The following NKAIN2 variants were observed in gnomAD, a reference collection of about 807,000 sequenced individuals.
NKAIN2 encodes sodium/potassium transporting ATPase interacting 2, also known as sodium/potassium-transporting ATPase subunit beta-1-interacting protein 2.
NKAIN2 carries 14 observed loss-of-function variants against 32.6 expected under a neutral mutation model. The ratio of observed to expected loss-of-function variants is 0.43; its 90% confidence interval spans 0.28 to 0.67. The LOEUF (loss-of-function observed/expected upper bound fraction) is 0.67. NKAIN2 is among the 30% of genes least tolerant of loss of function. The probability of loss-of-function intolerance (pLI) is 0.17; values close to 1 mark genes in which losing one functional copy is unlikely to be tolerated. For synonymous variants in NKAIN2, 80 were observed against 87.2 expected (o/e 0.92, Z 0.46); for missense variants, 198 against 258.3 (o/e 0.77, Z 1.60).
At chr6:123,825,647 T>A (rs1774116390) in intron 1 of NKAIN2, among the ~76,000 whole-genome samples, 1 of 152,124 alleles carries the variant, frequency 6.6e-6, no homozygotes, top group Non-Finnish European at 1.5e-5. Flanking sequence ...AAAGCAAATT[T>A]TCAGACTGAG....
chr6:124,151,647 G>T (rs2114395192), intron 1 of NKAIN2, among the ~76,000 whole-genome samples: 1 of 152,036 alleles, frequency 6.6e-6, no homozygotes, highest in South Asian at 2.1e-4. Context: ...GAGATTTCTG[G>T]TTGTCAGCAT....
rs532079929 is a variant in NKAIN2, at chr6:124,634,833, A to AAAAC, written c.274-23333_274-23330dup. 3.5e-3 allele frequency among the ~76,000 whole-genome samples: 533 copies of AAAAC among 152,114 alleles called. 2 individuals carry two copies. Among genetic ancestry groups the AAAAC allele is most frequent in the Middle Eastern group, 6.8e-3 (2 of 294 alleles). On this transcript the variant is annotated intron_variant, in intron 3 of 6. Transcript: ENST00000368417. ...CAAAGAGAGAATTCTAAAAACAGCA[A>AAAAC]AAACAAACAAACAAACAAACAAAAT...
At chr6:124,389,952 G>A (rs555571051) in intron 3 of NKAIN2, among the ~76,000 whole-genome samples, 1 of 152,056 alleles carries the variant, frequency 6.6e-6, no homozygotes, top group African/African-American at 2.4e-5. Flanking sequence ...GGATATTCCT[G>A]GGCCATTAAC....
At chr6:124,112,796 T>C (rs1218504480) in intron 1 of NKAIN2, among the ~76,000 whole-genome samples, 1 of 151,882 alleles carries the variant, frequency 6.6e-6, no homozygotes, top group Non-Finnish European at 1.5e-5. Context: ...TTATTTCCAG[T>C]GACTTCTATT....
intron 1 of NKAIN2, among the ~76,000 whole-genome samples, chr6:124,184,273 A>G (rs896387356): frequency 6.6e-6 from 1 of 151,944 alleles, no homozygotes; most frequent in African/African-American, 2.4e-5. Context: ...ACTAGATGTT[A>G]TCTCTACCTG....
intron 3 of NKAIN2, among the ~76,000 whole-genome samples, chr6:124,406,989 A>G (rs1773890279): frequency 6.6e-6 from 1 of 152,148 alleles, no homozygotes; most frequent in Non-Finnish European, 1.5e-5. Context: ...TATCAGATAT[A>G]TGACTTACAA....
intron 3 of NKAIN2, among the ~76,000 whole-genome samples, chr6:124,595,647 C>A (rs1432844164): frequency 8.3e-6 from 1 of 119,978 alleles, no homozygotes; most frequent in Non-Finnish European, 1.8e-5. Context: ...AACATATATA[C>A]CTTGGGCAAA....
chr6:124,335,985 T>C lies in NKAIN2; in HGVS notation c.193-19282T>C, dbSNP rs531803009. Among the ~76,000 whole-genome samples the C allele has an allele frequency of 1.2e-3, 178 of 152,334 alleles. 1 individual carries two copies. Among genetic ancestry groups the C allele is most frequent in the African/African-American group, 4.2e-3 (174 of 41,580 alleles). Reference sequence around the variant, plus strand: ...AACTATGATTGCTAAATTAATTCTCTATTTAGTTGAATTTGTATCATCTTA... The same window carrying C: ...AACTATGATTGCTAAATTAATTCTCCATTTAGTTGAATTTGTATCATCTTA... On this transcript the variant is annotated intron_variant, in intron 2 of 6. Transcript: ENST00000368417.
At chr6:123,888,783 T>C (rs868781241) in intron 1 of NKAIN2, among the ~76,000 whole-genome samples, 2 of 152,090 alleles carry the variant, frequency 1.3e-5, no homozygotes, top group South Asian at 4.1e-4. Flanking sequence ...GCAGAGAATA[T>C]TTTAGGGGTA....
chr6:124,155,026 G>A (rs540978151), intron 1 of NKAIN2, among the ~76,000 whole-genome samples: 11 of 152,194 alleles, frequency 7.2e-5, no homozygotes, highest in Non-Finnish European at 1.6e-4. Context: ...ACTGCATGAT[G>A]GGCTATGAGT....
chr6:123,938,433 T>C (rs1367369737), intron 1 of NKAIN2, among the ~76,000 whole-genome samples: 3 of 51,566 alleles, frequency 5.8e-5, no homozygotes, highest in South Asian at 5.5e-4. Context: ...TATATATATA[T>C]ATATATATAT....
At chr6:124,526,404 T>C (rs996358428) in intron 3 of NKAIN2, among the ~76,000 whole-genome samples, 3 of 152,126 alleles carry the variant, frequency 2.0e-5, no homozygotes, top group African/African-American at 7.2e-5. Flanking sequence ...ACTGGGTAAA[T>C]TGAAGCCCAC....
At chr6:124,430,875 C>T (rs572983520) in intron 3 of NKAIN2, among the ~76,000 whole-genome samples, 8 of 152,208 alleles carry the variant, frequency 5.3e-5, no homozygotes, top group South Asian at 2.1e-4. Flanking sequence ...CACACGCGCG[C>T]GCACATACAC....
intron 4 of NKAIN2, among the ~76,000 whole-genome samples, chr6:124,681,954 G>C (rs1301095174): frequency 6.6e-6 from 1 of 151,918 alleles, no homozygotes; most frequent in Non-Finnish European, 1.5e-5. Flanking sequence ...GGAACAGAGG[G>C]AGAAGAAAAT....
At chr6:123,926,234 T>C (rs1477132314) in intron 1 of NKAIN2, among the ~76,000 whole-genome samples, 1 of 152,192 alleles carries the variant, frequency 6.6e-6, no homozygotes, top group Middle Eastern at 3.2e-3. Flanking sequence ...GCTCTGTTCT[T>C]CTCAGGTATG....
intron 3 of NKAIN2, among the ~76,000 whole-genome samples, chr6:124,355,823 A>T (rs1237072937): frequency 1.3e-5 from 2 of 152,222 alleles, no homozygotes; most frequent in Non-Finnish European, 2.9e-5. Flanking sequence ...TCAACCCTTT[A>T]TTCTAAATAG....
intron 1 of NKAIN2, among the ~76,000 whole-genome samples, chr6:123,974,675 C>A (rs1472924401): frequency 6.6e-6 from 1 of 152,106 alleles, no homozygotes; most frequent in East Asian, 1.9e-4. Flanking sequence ...TAAGTTCTTA[C>A]CATAGAAAGG....
intron 1 of NKAIN2, among the ~76,000 whole-genome samples, chr6:123,909,999 A>C (rs753547676): frequency 1.3e-5 from 2 of 152,208 alleles, no homozygotes; most frequent in Non-Finnish European, 2.9e-5. Flanking sequence ...ATAAAAAAAA[A>C]AATGTAACCG....
chr6:124,025,564 G>T (rs906222586), intron 1 of NKAIN2, among the ~76,000 whole-genome samples: 4 of 152,110 alleles, frequency 2.6e-5, no homozygotes, highest in Non-Finnish European at 4.4e-5. Flanking sequence ...TTGTTAATTG[G>T]TCAAAGGGTA....
Sources: gnomAD v4.1 joint callset for allele counts (sites outside exome capture counted in the v4.1 genomes callset) on GRCh38, gnomAD v4.1.1 for gene constraint, MANE v1.5 for transcripts, NCBI Gene and HGNC (gene_info 2026-07-23, HGNC 2026-07-21) for gene names.